The following FBXL13 variants were observed in gnomAD, a reference collection of about 807,000 sequenced individuals.
FBXL13 encodes the protein F-box and leucine rich repeat protein 13.
In FBXL13, 67 loss-of-function variants were observed where a neutral mutation model predicts 83.6. That is an observed-to-expected ratio of 0.80 (90% CI 0.66 to 0.98). The LOEUF (loss-of-function observed/expected upper bound fraction) is 0.98, where lower values mean the gene tolerates loss of function less well. Ranked by LOEUF, FBXL13 falls within the 50% of genes least tolerant of loss-of-function variation. The probability of loss-of-function intolerance (pLI) is 0.00; values close to 1 mark genes in which losing one functional copy is unlikely to be tolerated. For missense variants in FBXL13, 822 were observed against 866.5 expected (o/e 0.95, Z 0.64); for synonymous variants, 272 against 299.5 (o/e 0.91, Z 0.95).
At chr7:102,990,444 GT>G (rs1257078182) in intron 6 of FBXL13, among the ~76,000 whole-genome samples, 16 of 152,184 alleles carry the variant, frequency 1.1e-4, no homozygotes, top group African/African-American at 3.4e-4. Flanking sequence ...GTTTGTAATA[GT>G]GGAGCTGAAA....
chr7:103,056,409 T>A (rs1294781402), intron 1 of FBXL13, among the ~76,000 whole-genome samples: 1 of 152,168 alleles, frequency 6.6e-6, no homozygotes, highest in African/African-American at 2.4e-5. Context: ...CCACTACTGA[T>A]CAAATGGTAG....
At chr7:103,060,000 GATA>G (rs1166955985) in intron 1 of FBXL13, among the ~76,000 whole-genome samples, 1 of 118,584 alleles carries the variant, frequency 8.4e-6, no homozygotes, top group East Asian at 2.7e-4. Context: ...GCATTCAACA[GATA>G]ATGATAGCAA....
chr7:102,912,684 CA>C (rs1554452561), intron 11 of FBXL13, among the ~76,000 whole-genome samples: 18 of 114,510 alleles, frequency 1.6e-4, no homozygotes, highest in East Asian at 7.1e-4. Context: ...CCCCCCCCCC[CA>C]AAAAAAAACC....
At chr7:102,941,299 C>A (rs748335039) in intron 8 of FBXL13, among the ~76,000 whole-genome samples, 21 of 152,126 alleles carry the variant, frequency 1.4e-4, no homozygotes, top group Non-Finnish European at 2.4e-4. Flanking sequence ...GTCATGTCCA[C>A]AAAGCCAGGG....
At chr7:102,891,802 A>C (rs1434104456) in intron 11 of FBXL13, among the ~76,000 whole-genome samples, 1 of 152,256 alleles carries the variant, frequency 6.6e-6, no homozygotes, top group East Asian at 1.9e-4. Context: ...GGGATCTGTC[A>C]GAAGCAGGCT....
At chr7:102,973,776 G>T (rs1228478074) in intron 6 of FBXL13, 1 of 762,626 alleles carries the variant, frequency 1.3e-6, no homozygotes, top group Non-Finnish European at 2.4e-6. Flanking sequence ...CTACTGGTAA[G>T]TTTCCCGGGA....
In FBXL13 at chr7:103,065,316, T is replaced by C. The variant is rs147328886; in HGVS notation, c.-105+8930A>G. Among the ~76,000 whole-genome samples the C allele has an allele frequency of 9.2e-5, 14 of 152,354 alleles. No homozygotes were observed. In the East Asian group the frequency reaches 2.5e-3, roughly 27 times the overall value. ...GTGATTTTTGTATCATCTATATATC[T>C]ACCCATTTCTACCTATTCTCAATTA... On this transcript the variant is annotated intron_variant, in intron 1 of 19. Transcript: ENST00000313221.
intron 2 of FBXL13, among the ~76,000 whole-genome samples, chr7:103,037,881 C>A (rs1044299844): frequency 6.6e-6 from 1 of 151,990 alleles, no homozygotes; most frequent in Admixed American, 6.6e-5. Flanking sequence ...CCAGCGAGAT[C>A]CACGCAGAAG....
intron 1 of FBXL13, among the ~76,000 whole-genome samples, chr7:103,072,940 T>C (rs2129509353): frequency 6.6e-6 from 1 of 152,342 alleles, no homozygotes; most frequent in East Asian, 1.9e-4. Flanking sequence ...GAAGTCAACT[T>C]GGTTATCTCT....
At chr7:103,038,603 C>T (rs946121197) in intron 2 of FBXL13, among the ~76,000 whole-genome samples, 5 of 152,146 alleles carry the variant, frequency 3.3e-5, no homozygotes, top group African/African-American at 1.2e-4. Flanking sequence ...CCCTCTGGGA[C>T]GAAGCTTCCA....
rs545842550 is a variant in FBXL13, at chr7:102,971,084, C to T, written c.496-2967G>A. 1.2e-3 allele frequency among the ~76,000 whole-genome samples: 186 copies of T among 152,198 alleles called. 1 individual carries two copies. Among genetic ancestry groups the T allele is most frequent in the African/African-American group, 4.3e-3 (179 of 41,536 alleles). On this transcript the variant is annotated intron_variant, in intron 6 of 19. Coordinates refer to ENST00000313221, the Ensembl canonical transcript of FBXL13. ...GATGAAAGGCAACACTTTTCAGATTCAAAAAGCACAGGAAGTTCCAAGCAG... is the reference window on the plus strand; with the variant it reads ...GATGAAAGGCAACACTTTTCAGATTTAAAAAGCACAGGAAGTTCCAAGCAG...
intron 6 of FBXL13, among the ~76,000 whole-genome samples, chr7:102,985,807 C>T (rs963406834): frequency 1.2e-4 from 19 of 152,174 alleles, no homozygotes; most frequent in Admixed American, 4.6e-4. Context: ...GGAAAAACAA[C>T]ATTTAGATTC....
chr7:102,879,104 T>TAATTCCAATTGAAC (rs1809646049), intron 14 of FBXL13, among the ~76,000 whole-genome samples: 1 of 152,212 alleles, frequency 6.6e-6, no homozygotes, highest in Non-Finnish European at 1.5e-5. Flanking sequence ...TCTTCATTTC[T>TAATTCCAATTGAAC]AATTCCAATT....
At chr7:103,065,740 G>A (rs1390585944) in intron 1 of FBXL13, among the ~76,000 whole-genome samples, 1 of 152,248 alleles carries the variant, frequency 6.6e-6, no homozygotes, top group Non-Finnish European at 1.5e-5. Context: ...AATGTGGAGT[G>A]TGGCTGAGGT....
intron 8 of FBXL13, among the ~76,000 whole-genome samples, chr7:102,948,061 G>A (rs1482608359): frequency 2.0e-5 from 3 of 151,522 alleles, no homozygotes; most frequent in Non-Finnish European, 4.4e-5. Context: ...TCAGTAATGA[G>A]GATCTTTTTT....
chr7:103,070,577 G>C (rs1019698856), intron 1 of FBXL13, among the ~76,000 whole-genome samples: 2 of 151,974 alleles, frequency 1.3e-5, no homozygotes, highest in Non-Finnish European at 2.9e-5. Flanking sequence ...AGAAATACCT[G>C]AGGCCAGGTA....
chr7:102,847,465 T>C (rs1165705509), intron 17 of FBXL13, among the ~76,000 whole-genome samples: 1 of 152,230 alleles, frequency 6.6e-6, no homozygotes, highest in Non-Finnish European at 1.5e-5. Flanking sequence ...TTTAAATGGA[T>C]GATTAATTTT....
chr7:103,073,400 T>C (rs1334334018), intron 1 of FBXL13, among the ~76,000 whole-genome samples: 1 of 152,092 alleles, frequency 6.6e-6, no homozygotes, highest in Admixed American at 6.6e-5. Flanking sequence ...GGAGGATCAA[T>C]TGAGCCCAGG....
chr7:102,853,347 T>A (rs927588400), intron 17 of FBXL13, among the ~76,000 whole-genome samples: 4 of 152,164 alleles, frequency 2.6e-5, no homozygotes, highest in African/African-American at 9.7e-5. Context: ...TAAAGTGAAT[T>A]AATCAGTTTT....
Sources: gnomAD v4.1 joint callset for allele counts (sites outside exome capture counted in the v4.1 genomes callset) on GRCh38, gnomAD v4.1.1 for gene constraint, MANE v1.5 for transcripts, NCBI Gene and HGNC (gene_info 2026-07-23, HGNC 2026-07-21) for gene names.